Variants in ANKRD11 observed in about 807,000 individuals in gnomAD.
ANKRD11 encodes ankyrin repeat domain-containing protein 11.
In ANKRD11, 17 loss-of-function variants were observed where a neutral mutation model predicts 195.7. The observed-to-expected ratio is 0.09, with a 90% CI of 0.06 to 0.13. The LOEUF is 0.13. Among genes scored for constraint, ANKRD11 ranks in the 10% least tolerant of loss-of-function variants. ANKRD11 has a pLI of 1.00. For synonymous variants in ANKRD11, 1,953 were observed against 1,528.1 expected (o/e 1.28, Z -6.49); for missense variants, 3,735 against 3,566.1 (o/e 1.05, Z -1.21).
intron 2 of ANKRD11, chr16:89,370,620 ACT>A (rs1196455609): frequency 1.3e-5 from 2 of 152,470 alleles, no homozygotes; most frequent in African/African-American, 4.8e-5. Flanking sequence ...CAAATGACCG[ACT>A]GAAGCCTAGG....
At chr16:89,304,287 CACACATGGGCACACAGGCACACACGT>C (rs1191256359) in intron 4 of ANKRD11, among the ~76,000 whole-genome samples, 18 of 152,006 alleles carry the variant, frequency 1.2e-4, no homozygotes, top group Admixed American at 5.2e-4. Context: ...CACAGGCATG[CACACATGGGCACACAGGCACACACGT>C]ACACATGGGC....
chr16:89,297,374 T>C (rs1294465643), intron 4 of ANKRD11: 1 of 152,198 alleles, frequency 6.6e-6, no homozygotes, highest in Non-Finnish European at 1.5e-5. Flanking sequence ...CCGATGGCGG[T>C]TACAGCTCAT....
chr16:89,270,904 G>A lies in ANKRD11; in HGVS notation c.7719C>T (p.Asp2573=), dbSNP rs369855089. The A allele has an allele frequency of 4.8e-5, 77 of 1,613,906 alleles. No homozygotes were observed. The highest frequency in any genetic ancestry group is 4.2e-4 in the East Asian group (19 of 44,878). ...AACGGTCGCGCACTGACTTGTTCTC[G>A]TCACCCTGTGGAAACCAAACACGGG... ...VYNMPLESQG[D]ENKSVRDRFN... Residue 2573 remains aspartate (D), a synonymous_variant, in exon 12 of 13, where the codon GAC becomes GAT. Coordinates refer to ENST00000301030, the MANE Select transcript of ANKRD11 (RefSeq NM_013275.6).
Position 89,330,354 on chromosome 16 carries a change from T to C in ANKRD11, c.-59-13276A>G, listed in dbSNP as rs896197105. 7.2e-5 allele frequency among the ~76,000 whole-genome samples: 11 copies of C among 151,842 alleles called. No homozygotes were observed. In the South Asian group the frequency reaches 2.3e-3, roughly 32 times the overall value. The stretch of plus-strand genomic sequence containing the variant: ...GACCTGGCTCAGGATGTGAGTCAGG[T>C]GCTAGGGGAGCCAGTGGAGAGGGAG... On this transcript the variant is annotated intron_variant, in intron 2 of 12. Coordinates refer to ENST00000301030, the MANE Select transcript of ANKRD11 (RefSeq NM_013275.6).
chr16:89,388,211 C>CA (rs1208667428), intron 2 of ANKRD11, among the ~76,000 whole-genome samples: 1 of 151,942 alleles, frequency 6.6e-6, no homozygotes, highest in Non-Finnish European at 1.5e-5. Flanking sequence ...TTCACCACCA[C>CA]AAAGACCTGA....
intron 1 of ANKRD11, among the ~76,000 whole-genome samples, chr16:89,441,623 T>G (rs564675280): frequency 6.6e-6 from 1 of 150,750 alleles, no homozygotes; most frequent in Non-Finnish European, 1.5e-5. Flanking sequence ...AAAAATTAGC[T>G]GGGTGTGGTG....
chr16:89,412,679 G>C (rs1184563925), intron 2 of ANKRD11: 1 of 151,994 alleles, frequency 6.6e-6, no homozygotes, highest in Non-Finnish European at 1.5e-5. Context: ...CAGGCAAAAT[G>C]TTTTTCACCC....
intron 4 of ANKRD11, among the ~76,000 whole-genome samples, chr16:89,292,546 C>T (rs1255638326): frequency 3.9e-5 from 6 of 152,114 alleles, no homozygotes; most frequent in Admixed American, 6.5e-5. Context: ...AATGTGGATT[C>T]GTATGTCCTA....
chr16:89,482,184 T>G (rs1372726396), intron 1 of ANKRD11, among the ~76,000 whole-genome samples: 1 of 152,156 alleles, frequency 6.6e-6, no homozygotes, highest in Non-Finnish European at 1.5e-5. Context: ...CTATAAAACA[T>G]GTAGCTCCTT....
At chr16:89,347,677 T>A (rs1289167519) in intron 2 of ANKRD11, among the ~76,000 whole-genome samples, 2 of 152,070 alleles carry the variant, frequency 1.3e-5, no homozygotes, top group African/African-American at 4.8e-5. Flanking sequence ...CTATTTCTCC[T>A]TATCGGTTTT....
At chr16:89,422,464 T>C (rs2042556854) in intron 1 of ANKRD11, among the ~76,000 whole-genome samples, 1 of 152,156 alleles carries the variant, frequency 6.6e-6, no homozygotes, top group Non-Finnish European at 1.5e-5. Context: ...AAACAAGGCA[T>C]CCACGGACTG....
chr16:89,394,728 C>T (rs113490211), intron 2 of ANKRD11, among the ~76,000 whole-genome samples: 4 of 152,058 alleles, frequency 2.6e-5, no homozygotes, highest in African/African-American at 9.7e-5. Flanking sequence ...ATACAGGAGT[C>T]GTGTTTTATG....
At chr16:89,312,295 A>C (rs2036649175) in intron 3 of ANKRD11, among the ~76,000 whole-genome samples, 1 of 152,256 alleles carries the variant, frequency 6.6e-6, no homozygotes, top group Non-Finnish European at 1.5e-5. Flanking sequence ...GGCAGAGCTG[A>C]GAATGCACAG....
At chr16:89,433,868 C>T (rs2043103880) in intron 1 of ANKRD11, among the ~76,000 whole-genome samples, 2 of 152,222 alleles carry the variant, frequency 1.3e-5, no homozygotes, top group South Asian at 4.1e-4. Flanking sequence ...AGGGGCTGCT[C>T]TCTGCCTCAG....
chr16:89,406,477 T>C (rs1423133626), intron 2 of ANKRD11, among the ~76,000 whole-genome samples: 3 of 152,130 alleles, frequency 2.0e-5, no homozygotes, highest in African/African-American at 4.8e-5. Context: ...GGAGCCACCG[T>C]GCACCGTGAC....
intron 9 of ANKRD11, among the ~76,000 whole-genome samples, chr16:89,276,816 G>A (rs2151712568): frequency 6.6e-6 from 1 of 152,280 alleles, no homozygotes; most frequent in South Asian, 2.1e-4. Flanking sequence ...CCAGCACTTT[G>A]GGAGGCTGAG....
chr16:89,282,593 G>A lies in ANKRD11; in HGVS notation c.3949C>T (p.Leu1317=). The A allele has an allele frequency of 1.2e-6, 2 of 1,614,136 alleles. No individual in the cohort carries two copies. ...SFTDRGQEPG[L]TAFLEVSFTE... ...AAAGAGACCTCCAGGAAGGCAGTCA[G>A]CCCCGGCTCCTGCCCTCGGTCCGTG... Residue 1317 remains leucine, a synonymous_variant, in exon 9 of 13, where the codon CTG becomes TTG. Transcript: ENST00000301030.
intron 2 of ANKRD11, among the ~76,000 whole-genome samples, chr16:89,350,873 G>A (rs2039181278): frequency 6.6e-6 from 1 of 152,134 alleles, no homozygotes; most frequent in Admixed American, 6.5e-5. Flanking sequence ...CGGGTCCCAT[G>A]GCATAAACAC....
intron 2 of ANKRD11, among the ~76,000 whole-genome samples, chr16:89,350,742 C>G: frequency 6.6e-6 from 1 of 152,174 alleles, no homozygotes; most frequent in African/African-American, 2.4e-5. Context: ...ACAGTTCCAA[C>G]TGATTCCTTA....
Sources: gnomAD v4.1 joint callset for allele counts (sites outside exome capture counted in the v4.1 genomes callset) on GRCh38, gnomAD v4.1.1 for gene constraint, MANE v1.5 for transcripts, NCBI Gene and HGNC (gene_info 2026-07-23, HGNC 2026-07-21) for gene names.